Variants in PLPP2 observed in about 807,000 individuals in gnomAD.
The protein encoded by PLPP2 is PAP2-gamma.
PLPP2 carries 29 observed loss-of-function variants against 35.2 expected under a neutral mutation model. The observed-to-expected ratio is 0.82, with a 90% CI of 0.61 to 1.12. The LOEUF (loss-of-function observed/expected upper bound fraction) is 1.12, where lower values mean the gene tolerates loss of function less well. Ranked by LOEUF, PLPP2 falls within the 50% of genes most tolerant of loss-of-function variation. The pLI is 0.00. For synonymous variants in PLPP2, 162 were observed against 167.0 expected (o/e 0.97, Z 0.23); for missense variants, 353 against 375.2 (o/e 0.94, Z 0.49).
intron 3 of PLPP2, chr19:286,574 TATAA>T (rs574798510): frequency 2.2e-4 from 33 of 152,196 alleles, no homozygotes; most frequent in Admixed American, 9.8e-4. Context: ...TTACATTGAA[TATAA>T]ATAAACACTC....
chr19:282,789 T>C lies in PLPP2; in HGVS notation c.503A>G (p.His168Arg). 1 of 1,611,352 alleles carries C rather than the reference T, an allele frequency of 6.2e-7. No homozygotes were observed. Among genetic ancestry groups the C allele is most frequent in the Middle Eastern group, 1.7e-4 (1 of 6,056 alleles). ...TEARLSFYSG[H>R]SSFGMYCMVF... ...CATGCAGTACATCCCAAAGGAAGAG[T>C]GTCCCGAGTAGAAAGACAACCTGAG... The change falls in exon 4 of 6, where the codon CAC (histidine) becomes CGC (arginine). Residue 168 changes from histidine (H) to arginine (R), a missense_variant. Physicochemically the swap from His to Arg is conservative, Grantham distance 29. Coordinates refer to ENST00000434325, the MANE Select transcript of PLPP2 (RefSeq NM_003712.4).
At chr19:282,520 G>A (rs949570452) in intron 4 of PLPP2, among the ~76,000 whole-genome samples, 4 of 149,082 alleles carry the variant, frequency 2.7e-5, no homozygotes, top group African/African-American at 5.0e-5. Flanking sequence ...CTGCACAGAC[G>A]TGTTAGCCTG....
chr19:291,201 C>A (rs1970383635), intron 1 of PLPP2, 84 bp downstream of exon 1: 2 of 1,585,736 alleles, frequency 1.3e-6, no homozygotes, highest in Admixed American at 1.7e-5. Flanking sequence ...GCAGCCTCCG[C>A]GTTCCCCTGC....
chr19:282,265 G>A lies in PLPP2; in HGVS notation c.586C>T (p.Arg196Ter), dbSNP rs200247885. The change falls in exon 5 of 6, where the codon CGA becomes TGA. Residue 196 changes from arginine to a stop codon, truncating the protein, a stop_gained. Coordinates refer to ENST00000434325, the MANE Select transcript of PLPP2 (RefSeq NM_003712.4). LOFTEE classifies it high-confidence loss of function. ...ACCAGGAAGAACTGGACTGTGGGTC[G>A]CAGCAGCCGTGCCCACTTCCAACAG... ...RLCWKWARLLRPTVQFFLVAF... is the reference protein window; with the variant it reads ...RLCWKWARLL 10 of 1,613,844 alleles carry A rather than the reference G, an allele frequency of 6.2e-6. No homozygotes were observed. The highest frequency in any genetic ancestry group is 2.2e-5 in the East Asian group (1 of 44,872).
In PLPP2 at chr19:282,146, C is replaced by T. The variant is rs771621394; in HGVS notation, c.705G>A (p.Val235=). ...VLVGLLQGAL[V]AALTVCYISD... ...GTTAGAAGCTCACAGTGAGGGCAGC[C>T]ACCAGTGCCCCCTGCAGGAGGCCAA... The change falls in exon 5 of 6, where the codon GTG becomes GTA. Residue 235 remains valine (V), a synonymous_variant. Coordinates refer to ENST00000434325, the MANE Select transcript of PLPP2 (RefSeq NM_003712.4). The T allele has an allele frequency of 1.9e-6, 3 of 1,613,544 alleles. No homozygotes were observed. In the East Asian group the frequency reaches 6.7e-5, roughly 36 times the overall value.
rs1395798436 is a variant in PLPP2, at chr19:282,237, G to A, written c.614C>T (p.Ala205Val). Reference sequence around the variant, plus strand: ...GGTGTAGCCCACGTAGAGGGCAAAGGCCACCAGGAAGAACTGGACTGTGGG... The same window carrying A: ...GGTGTAGCCCACGTAGAGGGCAAAGACCACCAGGAAGAACTGGACTGTGGG... ...LRPTVQFFLV[A>V]FALYVGYTRV... The change falls in exon 5 of 6, where the codon GCC (alanine) becomes GTC (valine). Residue 205 changes from alanine (A) to valine (V), a missense_variant. Transcript: ENST00000434325. 7 of 1,613,904 alleles carry A rather than the reference G, an allele frequency of 4.3e-6. No individual in the cohort carries two copies. Among genetic ancestry groups the A allele is most frequent in the Middle Eastern group, 3.3e-4 (2 of 6,060 alleles).
At chr19:289,102 G>A (rs1203866467) in intron 1 of PLPP2, among the ~76,000 whole-genome samples, 1 of 152,140 alleles carries the variant, frequency 6.6e-6, no homozygotes, top group Non-Finnish European at 1.5e-5. Flanking sequence ...GGGGCTCCTG[G>A]GGCCCTGCTG....
At chr19:290,532 G>C (rs1970366169) in intron 1 of PLPP2, among the ~76,000 whole-genome samples, 1 of 151,490 alleles carries the variant, frequency 6.6e-6, no homozygotes, top group Admixed American at 6.5e-5. Flanking sequence ...ACGTTGGGGA[G>C]GAGGGCACCC....
chr19:282,809 C>A lies in PLPP2; in HGVS notation c.483G>T (p.Arg161Ser), dbSNP rs1284966029. 2 of 1,613,520 alleles carry A rather than the reference C, an allele frequency of 1.2e-6. No individual in the cohort carries two copies. Among genetic ancestry groups the A allele is most frequent in the South Asian group, 2.2e-5 (2 of 91,058 alleles). The stretch of plus-strand genomic sequence containing the variant: ...AAGAGTGTCCCGAGTAGAAAGACAA[C>A]CTGAGGAAGGAGAAGGGGCAGGTGG... ...RGNPADVTEA[R>S]LSFYSGHSSF... The change falls in exon 4 of 6, where the codon AGG becomes AGT. Residue 161 changes from arginine to serine, a missense_variant and splice_region_variant. Transcript: ENST00000434325.
intron 3 of PLPP2, chr19:284,014 T>C (rs1399018047): frequency 4.6e-5 from 7 of 152,154 alleles, no homozygotes; most frequent in Admixed American, 4.6e-4. Flanking sequence ...TAGGATCATA[T>C]TTCCAGAGTT....
At chr19:283,593 C>G (rs1970219018) in intron 3 of PLPP2, 1 of 152,222 alleles carries the variant, frequency 6.6e-6, no homozygotes, top group Non-Finnish European at 1.5e-5. Context: ...AACAGACTAA[C>G]CAAACAGGCC....
chr19:291,344 G>C lies in PLPP2; in HGVS notation c.-8C>G. ...GACCCACCTCCGCTGCATGGTCCCC[G>C]CGACCCCCGACGCCGGTCCCAGCGC... On this transcript the variant is annotated 5_prime_UTR_variant, in exon 1 of 6. Coordinates refer to ENST00000434325, the MANE Select transcript of PLPP2 (RefSeq NM_003712.4). 1 of 1,589,662 alleles carries C rather than the reference G, an allele frequency of 6.3e-7. No individual in the cohort carries two copies. Among genetic ancestry groups the C allele is most frequent in the Non-Finnish European group, 8.5e-7 (1 of 1,170,356 alleles).
At position 291,275 on chromosome 19, in the gene PLPP2, A is replaced by G. The variant is rs1376654755; in HGVS notation, c.52+10T>C. 6.2e-7 allele frequency: 1 copy of G among 1,601,042 alleles called. No individual in the cohort carries two copies. The highest frequency in any genetic ancestry group is 1.4e-5 in the African/African-American group (1 of 73,140). ...GGTCCCCCCAACACCCGGGTCCCCA[A>G]GGCTCTTACCGACCAGTAAGCACAG... On this transcript the variant is annotated intron_variant, in intron 1 of 5. Transcript: ENST00000434325.
intron 1 of PLPP2, among the ~76,000 whole-genome samples, chr19:289,837 G>A (rs1970349022): frequency 6.6e-6 from 1 of 152,158 alleles, no homozygotes; most frequent in South Asian, 2.1e-4. Flanking sequence ...CCTTGGAGGA[G>A]GCTCCTGCAG....
Position 287,687 on chromosome 19 carries a change from T to C in PLPP2, c.269A>G (p.Asn90Ser), listed in dbSNP as rs554195986. Residue 90 changes from asparagine (N) to serine (S), a missense_variant, in exon 3 of 6, where the codon AAC (asparagine) becomes AGC (serine). Transcript: ENST00000434325. The surrounding 1 kb of genome is among the most constrained non-coding windows in gnomAD (Gnocchi z 4.3). ...DRLYSRSDFN[N>S]YVAAVYKVLG... is the part of the protein sequence containing the mutation. ...CACCTTGTATACAGCAGCCACGTAG[T>C]TGTTGAAGTCCGAGCGAGAATAGAG... 11 of 1,613,878 alleles carry C rather than the reference T, an allele frequency of 6.8e-6. No individual in the cohort carries two copies. Among genetic ancestry groups the C allele is most frequent in the African/African-American group, 4.0e-5 (3 of 75,014 alleles).
At chr19:291,134 A>G in intron 1 of PLPP2, 151 bp downstream of exon 1, 1 of 1,385,610 alleles carries the variant, frequency 7.2e-7, no homozygotes, top group Non-Finnish European at 9.4e-7. Flanking sequence ...GCGCGGAGGG[A>G]GGTCTGGTCC....
Position 287,686 on chromosome 19 carries a change from G to T in PLPP2, c.270C>A (p.Asn90Lys). 6.2e-7 allele frequency: 1 copy of T among 1,613,966 alleles called. No individual in the cohort carries two copies. Among genetic ancestry groups the T allele is most frequent in the African/African-American group, 1.3e-5 (1 of 75,044 alleles). Residue 90 changes from asparagine to lysine, a missense_variant, in exon 3 of 6, where the codon AAC (asparagine) becomes AAA (lysine). Coordinates refer to ENST00000434325, the MANE Select transcript of PLPP2 (RefSeq NM_003712.4). This position sits in a 1 kb window ranked among gnomAD's most constrained non-coding sequence, Gnocchi z 4.3. ...DRLYSRSDFN[N>K]YVAAVYKVLG... ...GCACCTTGTATACAGCAGCCACGTA[G>T]TTGTTGAAGTCCGAGCGAGAATAGA...
Position 291,322 on chromosome 19 carries a change from C to G in PLPP2, c.15G>C (p.Trp5Cys). MQRRWVFVLLDVLCL... is the reference protein window; with the variant it reads MQRRCVFVLLDVLCL... ...ACAGCACGTCGAGCAGCACGAAGAC[C>G]CACCTCCGCTGCATGGTCCCCGCGA... The change falls in exon 1 of 6, where the codon TGG (tryptophan) becomes TGC (cysteine). Residue 5 changes from tryptophan (W) to cysteine (C), a missense_variant. Transcript: ENST00000434325. 6.3e-7 allele frequency: 1 copy of G among 1,597,830 alleles called. No individual in the cohort carries two copies. Among genetic ancestry groups the G allele is most frequent in the Non-Finnish European group, 8.5e-7 (1 of 1,173,710 alleles).
At chr19:285,787 AC>A (rs1970263186) in intron 3 of PLPP2, 1 of 151,936 alleles carries the variant, frequency 6.6e-6, no homozygotes, top group African/African-American at 2.4e-5. Context: ...ACATGATGAA[AC>A]CCCATCTCTA....
Sources: gnomAD v4.1 joint callset for allele counts (sites outside exome capture counted in the v4.1 genomes callset) on GRCh38, gnomAD v4.1.1 for gene constraint, Gnocchi (gnomAD v3.1) non-coding constraint, MANE v1.5 for transcripts, NCBI Gene and HGNC (gene_info 2026-07-23, HGNC 2026-07-21) for gene names.